The following TRMT44 variants were observed in gnomAD, a reference collection of about 807,000 sequenced individuals.
The protein encoded by TRMT44 is probable tRNA (uracil-O(2)-)-methyltransferase.
A neutral mutation model predicts 77.3 loss-of-function variants in TRMT44; 78 were observed. That is an observed-to-expected ratio of 1.01 (90% confidence interval 0.84 to 1.22). The LOEUF (loss-of-function observed/expected upper bound fraction) is 1.22, where lower values mean the gene tolerates loss of function less well. TRMT44 is among the 50% of genes most tolerant of loss of function. The pLI is 0.00. For synonymous variants in TRMT44, 391 were observed against 383.3 expected, an observed-to-expected ratio of 1.02 and a Z score of -0.23; for missense variants, 1,090 against 964.4, an observed-to-expected ratio of 1.13 and a Z score of -1.73.
chr4:8,495,952 G>C (rs566175869), downstream of TRMT44, among the ~76,000 whole-genome samples: 11 of 152,308 alleles, frequency 7.2e-5, no homozygotes, highest in African/African-American at 2.6e-4. Flanking sequence ...TATTCATTCT[G>C]ATTGTTTCCC....
At chr4:8,457,187 C>T (rs939875135) in intron 6 of TRMT44, among the ~76,000 whole-genome samples, 3 of 152,144 alleles carry the variant, frequency 2.0e-5, no homozygotes, top group African/African-American at 4.8e-5. Context: ...CAGGAAGGGA[C>T]AGGCTAGGTC....
At chr4:8,504,303 A>G in the TRMT44 span, among the ~76,000 whole-genome samples, 1 of 151,918 alleles carries the variant, frequency 6.6e-6, no homozygotes, top group African/African-American at 2.4e-5. The surrounding 1 kb of genome is among the most constrained non-coding windows in gnomAD (Gnocchi z 5.3). Flanking sequence ...CCCATTCACT[A>G]AGGCAGGGAA....
intron 6 of TRMT44, 56 bp from the exon 7 acceptor site, chr4:8,463,929 G>T (rs189182781): frequency 4.1e-6 from 6 of 1,462,780 alleles, no homozygotes; most frequent in Non-Finnish European, 4.8e-6. Flanking sequence ...TCCTGCCCAC[G>T]CAGTAGCTCT....
At chr4:8,515,665 G>A in the TRMT44 span, among the ~76,000 whole-genome samples, 2 of 152,166 alleles carry the variant, frequency 1.3e-5, no homozygotes, top group African/African-American at 4.8e-5. Context: ...GGGAGCAGAG[G>A]CTGGGCTAGG....
chr4:8,496,584 T>A (rs1728157788), downstream of TRMT44, among the ~76,000 whole-genome samples: 1 of 152,172 alleles, frequency 6.6e-6, no homozygotes, highest in South Asian at 2.1e-4. Flanking sequence ...AGGCAGCTCC[T>A]CTAAATGAGA....
chr4:8,488,492 C>T (rs376953508), intron 2 of TRMT44, among the ~76,000 whole-genome samples: 1 of 152,178 alleles, frequency 6.6e-6, no homozygotes, highest in Admixed American at 6.5e-5. Flanking sequence ...AGCTTTTTGC[C>T]TCAGGATGAG....
At chr4:8,493,390 T>C (rs1728066065) in exon 3 of TRMT44, 1 of 152,180 alleles carries the variant, frequency 6.6e-6, no homozygotes, top group Non-Finnish European at 1.5e-5. Flanking sequence ...AGATTTTATC[T>C]TGGACCCGAC....
intron 10 of TRMT44, 23 bp downstream of exon 10, chr4:8,471,223 G>C (rs375528488): frequency 1.4e-6 from 2 of 1,462,156 alleles, no homozygotes; most frequent in East Asian, 4.7e-5. Flanking sequence ...CCTCTCCCCC[G>C]CCGTTCTTTC....
rs115783704 is a variant in TRMT44, at chr4:8,469,877, G to A, written c.1928-1207G>A. 8.0e-3 allele frequency among the ~76,000 whole-genome samples: 1,216 copies of A among 152,372 alleles called. 14 individuals carry two copies. The highest frequency in any genetic ancestry group is 0.028 in the African/African-American group (1,164 of 41,598). The stretch of plus-strand genomic sequence containing the variant: ...GCGTTTCTGTGCCTGTGGGCCATGT[G>A]TGGCTCTGTCTCCAGGACCTCACCC... On this transcript the variant is annotated intron_variant, in intron 9 of 10. Transcript: ENST00000389737.
At chr4:8,473,035 A>G (rs1263937553) in intron 10 of TRMT44, among the ~76,000 whole-genome samples, 2 of 152,206 alleles carry the variant, frequency 1.3e-5, no homozygotes, top group African/African-American at 4.8e-5. Context: ...AGGCCTGGGA[A>G]TTGGGTTCCA....
At chr4:8,471,591 C>T (rs60173585) in intron 10 of TRMT44, among the ~76,000 whole-genome samples, 203 of 152,340 alleles carry the variant, frequency 1.3e-3, no homozygotes, top group African/African-American at 4.6e-3. Context: ...GCATCCTGAG[C>T]CACAGAGCCA....
chr4:8,508,443 GC>G, the TRMT44 span, among the ~76,000 whole-genome samples: 1 of 152,194 alleles, frequency 6.6e-6, no homozygotes, highest in Non-Finnish European at 1.5e-5. Flanking sequence ...GAGTCTCCAA[GC>G]CCCCTCCCCA....
rs1307102704 is a variant in TRMT44 at position 8,467,960 on chromosome 4, C to CT, written c.1543dup (p.Ser515PhefsTer4). The CT allele has an allele frequency of 1.2e-6, 2 of 1,613,840 alleles. No homozygotes were observed. On this transcript the variant is annotated frameshift_variant, in exon 9 of 11. Coordinates refer to ENST00000389737, the MANE Select transcript of TRMT44 (RefSeq NM_152544.3). LOFTEE classifies it high-confidence loss of function. Reference sequence around the variant, plus strand: ...AGAACATACCCTTCCTCCAGAGAAGCTTCCGTGGATGAAAAGAGGACTCAG... The same window carrying CT: ...AGAACATACCCTTCCTCCAGAGAAGCTTTCCGTGGATGAAAAGAGGACTCAG...
intron 5 of TRMT44, 181 bp from the exon 6 acceptor site, chr4:8,454,561 G>T (rs569846847): frequency 1.7e-6 from 1 of 603,614 alleles, no homozygotes; most frequent in East Asian, 2.8e-5. Flanking sequence ...GCTGGCCATC[G>T]TATCACAGGG....
At chr4:8,509,840 G>A in the TRMT44 span, 40,837 of 152,234 alleles carry the variant, frequency 0.27, 6,038 homozygotes, top group Admixed American at 0.38. Flanking sequence ...CGAGAGCAGC[G>A]GTGTTGCCAT....
At chr4:8,483,179 G>A (rs1727681431) in intron 2 of TRMT44, among the ~76,000 whole-genome samples, 1 of 152,184 alleles carries the variant, frequency 6.6e-6, no homozygotes, top group Non-Finnish European at 1.5e-5. Context: ...GAGGACCCAG[G>A]ACATCTGATT....
chr4:8,470,712 C>T (rs1404610532), intron 9 of TRMT44, among the ~76,000 whole-genome samples: 1 of 151,990 alleles, frequency 6.6e-6, no homozygotes, highest in Non-Finnish European at 1.5e-5. Flanking sequence ...GGCTTGCCAG[C>T]TTGGCCTTCC....
chr4:8,479,546 A>C (rs1446575300), downstream of TRMT44: 11 of 152,080 alleles, frequency 7.2e-5, no homozygotes, highest in African/African-American at 2.7e-4. Flanking sequence ...AAGTGTCTGT[A>C]TCTAAACGTA....
the TRMT44 span, among the ~76,000 whole-genome samples, chr4:8,501,698 TC>T: frequency 6.6e-6 from 1 of 152,166 alleles, no homozygotes; most frequent in Non-Finnish European, 1.5e-5. This position sits in a 1 kb window ranked among gnomAD's most constrained non-coding sequence, Gnocchi z 4.4. Flanking sequence ...CCTTTTCCTT[TC>T]CCCTTCTTCC....
Sources: gnomAD v4.1 joint callset for allele counts (sites outside exome capture counted in the v4.1 genomes callset) on GRCh38, gnomAD v4.1.1 for gene constraint, Gnocchi (gnomAD v3.1) non-coding constraint, MANE v1.5 for transcripts, NCBI Gene and HGNC (gene_info 2026-07-23, HGNC 2026-07-21) for gene names.